AMBRA1: variants seen among roughly 807,000 people sequenced by gnomAD.
AMBRA1 encodes the protein autophagy and beclin 1 regulator 1.
Under a neutral mutation model 125.4 loss-of-function variants are expected in AMBRA1, and 47 were observed. The observed-to-expected ratio is 0.37, with a 90% CI of 0.30 to 0.48. The LOEUF is 0.48. AMBRA1 is among the 20% of genes least tolerant of loss of function. The probability of loss-of-function intolerance (pLI) is 0.99; values close to 1 mark genes in which losing one functional copy is unlikely to be tolerated. For synonymous variants in AMBRA1, 626 were observed against 655.5 expected, an observed-to-expected ratio of 0.95 and a Z score of 0.69; for missense variants, 1,331 against 1,693.4, an observed-to-expected ratio of 0.79 and a Z score of 3.76.
intron 11 of AMBRA1, among the ~76,000 whole-genome samples, chr11:46,485,152 G>A (rs935069248): frequency 2.6e-5 from 4 of 152,058 alleles, no homozygotes; most frequent in Non-Finnish European, 5.9e-5. Context: ...TGGCCAGGCT[G>A]GTCTCGAACT....
chr11:46,425,623 C>T (rs1297185075), intron 14 of AMBRA1, among the ~76,000 whole-genome samples: 3 of 151,700 alleles, frequency 2.0e-5, no homozygotes, highest in African/African-American at 2.4e-5. Flanking sequence ...AGGTGGATCA[C>T]GAGGTCAGGA....
intron 7 of AMBRA1, 113 bp downstream of exon 7, chr11:46,541,826 TCAGAAG>T: frequency 7.4e-7 from 1 of 1,348,982 alleles, no homozygotes; most frequent in Non-Finnish European, 1.0e-6. Context: ...AATGGCGAGA[TCAGAAG>T]CAGATGCGTG....
chr11:46,451,365 G>A (rs1948588555), intron 11 of AMBRA1, among the ~76,000 whole-genome samples: 1 of 152,150 alleles, frequency 6.6e-6, no homozygotes, highest in African/African-American at 2.4e-5. Flanking sequence ...TCACATGATA[G>A]GTGAGCTCTG....
Position 46,542,399 on chromosome 11 carries a change from A to G in AMBRA1, c.1618T>C (p.Ser540Pro). ...TGGTGGGAAGGGCCTGGCCTCTCAG[A>G]TTCAATGTTATTGTTGAGCATTTCC... ...AQEMLNNNIE[S>P]ERPGPSHQPT... Residue 540 changes from serine (S) to proline (P), a missense_variant, in exon 7 of 18, where the codon TCT (serine) becomes CCT (proline). Around this residue, in one of 4 missense-constraint regions of AMBRA1, gnomAD observed 689 missense variants for 776.5 expected, o/e 0.89. Coordinates refer to ENST00000683756, the MANE Select transcript of AMBRA1 (RefSeq NM_001387011.1). This position sits in a 1 kb window ranked among gnomAD's most constrained non-coding sequence, Gnocchi z 5.9. 1 of 1,614,080 alleles carries G rather than the reference A, an allele frequency of 6.2e-7. No individual in the cohort carries two copies. Among genetic ancestry groups the G allele is most frequent in the Non-Finnish European group, 8.5e-7 (1 of 1,180,024 alleles).
At chr11:46,578,904 A>C (rs1209947141) in intron 1 of AMBRA1, among the ~76,000 whole-genome samples, 1 of 149,892 alleles carries the variant, frequency 6.7e-6, no homozygotes, top group Non-Finnish European at 1.5e-5. Context: ...AAAAAAAAAA[A>C]AAAAGTATAG....
intron 9 of AMBRA1, among the ~76,000 whole-genome samples, chr11:46,499,716 G>A (rs1284520202): frequency 6.6e-6 from 1 of 151,954 alleles, no homozygotes; most frequent in African/African-American, 2.4e-5. Context: ...GAGTGTAGTG[G>A]TGCAATCTCA....
chr11:46,520,261 C>T (rs1390223723), intron 7 of AMBRA1, among the ~76,000 whole-genome samples: 2 of 151,936 alleles, frequency 1.3e-5, no homozygotes, highest in Non-Finnish European at 2.9e-5. Flanking sequence ...TACACAAGCA[C>T]ACATTCAATT....
At position 46,521,698 on chromosome 11, in the gene AMBRA1, C is replaced by T. The variant is rs182498635; in HGVS notation, c.2073-8885G>A. ...AGCAATTATCGTTTAAGTTATCCAA[C>T]GATAGGCATTCATCTGATCGCTGCA... On this transcript the variant is annotated intron_variant, in intron 7 of 17. Transcript: ENST00000683756. 1.1e-4 allele frequency among the ~76,000 whole-genome samples: 17 copies of T among 152,342 alleles called. No homozygotes were observed. In the East Asian group the frequency reaches 1.2e-3, roughly 10 times the overall value.
chr11:46,425,307 CATTTGTGTGTGTGT>C (rs148506258), intron 14 of AMBRA1, among the ~76,000 whole-genome samples: 7,225 of 111,706 alleles, frequency 0.065, 580 homozygotes, highest in African/African-American at 0.23. Context: ...TTGCTTGATC[CATTTGTGTGTGTGT>C]GTGTGTGTGT....
At chr11:46,455,971 A>G (rs1420123070) in intron 11 of AMBRA1, among the ~76,000 whole-genome samples, 1 of 152,144 alleles carries the variant, frequency 6.6e-6, no homozygotes, top group Non-Finnish European at 1.5e-5. Flanking sequence ...TCACCATGCT[A>G]TAGACTTGCC....
rs2042892699 is a variant in AMBRA1 at position 46,548,444 on chromosome 11, C to T, written c.-64G>A. On this transcript the variant is annotated 5_prime_UTR_variant, in exon 2 of 18. It adds an upstream start codon to the 5' untranslated region. Transcript: ENST00000683756. The stretch of plus-strand genomic sequence containing the variant: ...GAAGGAGCAAGTAACAGCTCCAACA[C>T]ACTGAAGCAGCTAAAATGAGGCCAT... The T allele has an allele frequency of 6.3e-7, 1 of 1,598,246 alleles. No homozygotes were observed. The highest frequency in any genetic ancestry group is 8.5e-7 in the Non-Finnish European group (1 of 1,172,666).
Position 46,471,915 on chromosome 11 carries a change from C to T in AMBRA1, c.2521+21693G>A, listed in dbSNP as rs138393774. Among the ~76,000 whole-genome samples, 12 of 152,246 alleles carry T rather than the reference C, an allele frequency of 7.9e-5. No individual in the cohort carries two copies. In the East Asian group the frequency reaches 2.1e-3, roughly 27 times the overall value. ...TGCCAGGATTACAGGCGTGAGCCAC[C>T]GTGCCTGGCCAGGAATAACTTTCTA... On this transcript the variant is annotated intron_variant, in intron 11 of 17. Transcript: ENST00000683756.
intron 1 of AMBRA1, among the ~76,000 whole-genome samples, chr11:46,590,167 T>C (rs1023742103): frequency 3.3e-5 from 5 of 151,570 alleles, no homozygotes; most frequent in Admixed American, 6.6e-5. Flanking sequence ...GGTCAGGAGA[T>C]AGAGACCATC....
intron 12 of AMBRA1, 54 bp downstream of exon 12, chr11:46,443,434 G>T: frequency 6.8e-7 from 1 of 1,462,738 alleles, no homozygotes; most frequent in Non-Finnish European, 9.6e-7. Flanking sequence ...TTGAGTTCTG[G>T]CTCACCAGCA....
At chr11:46,450,369 G>A (rs1161046157) in intron 11 of AMBRA1, among the ~76,000 whole-genome samples, 1 of 151,948 alleles carries the variant, frequency 6.6e-6, no homozygotes, top group Non-Finnish European at 1.5e-5. Flanking sequence ...TATAGAGACA[G>A]AAAAATGATG....
intron 7 of AMBRA1, chr11:46,530,480 G>A (rs1422079756): frequency 6.6e-6 from 1 of 152,228 alleles, no homozygotes; most frequent in Non-Finnish European, 1.5e-5. Flanking sequence ...AGAAAGTGAG[G>A]CTGGAGAACC....
At chr11:46,460,912 C>T (rs1286311888) in intron 11 of AMBRA1, among the ~76,000 whole-genome samples, 1 of 151,966 alleles carries the variant, frequency 6.6e-6, no homozygotes, top group Non-Finnish European at 1.5e-5. Flanking sequence ...CATAGTGAGA[C>T]CACATCTCAA....
chr11:46,437,043 G>A (rs550023919), intron 12 of AMBRA1, among the ~76,000 whole-genome samples: 19 of 152,240 alleles, frequency 1.2e-4, no homozygotes, highest in African/African-American at 4.1e-4. Context: ...GATCCAGCTC[G>A]TGTGTGTTAA....
intron 14 of AMBRA1, among the ~76,000 whole-genome samples, chr11:46,432,369 G>C (rs1311843638): frequency 1.3e-5 from 2 of 152,312 alleles, no homozygotes; most frequent in African/African-American, 4.8e-5. Context: ...ACCCTGGCAA[G>C]AAGGCACTTT....
Sources: allele counts gnomAD v4.1 joint callset (sites outside exome capture counted in the v4.1 genomes callset), GRCh38; gene constraint gnomAD v4.1.1; regional missense constraint gnomAD v4.1.1; non-coding constraint Gnocchi (gnomAD v3.1); transcripts MANE v1.5; gene names NCBI Gene and HGNC (gene_info 2026-07-23, HGNC 2026-07-21).